Variants in RBFOX3 observed in about 807,000 individuals in gnomAD.
The protein encoded by RBFOX3 is RNA binding fox-1 homolog 3.
A neutral mutation model predicts 48.7 loss-of-function variants in RBFOX3; 17 were observed. That is an observed-to-expected ratio of 0.35 (90% CI 0.24 to 0.52). RBFOX3 has a LOEUF of 0.52. RBFOX3 is among the 20% of genes least tolerant of loss of function. The pLI, the probability that RBFOX3 is intolerant of heterozygous loss-of-function variation, is 0.94. For synonymous variants in RBFOX3, 212 were observed against 209.5 expected, an observed-to-expected ratio of 1.01 and a Z score of -0.10; for missense variants, 382 against 497.5, an observed-to-expected ratio of 0.77 and a Z score of 2.21.
intron 4 of RBFOX3, among the ~76,000 whole-genome samples, chr17:79,150,060 T>G (rs182882708): frequency 0.035 from 78 of 2,232 alleles, 3 homozygotes; most frequent in Non-Finnish European, 0.039. Context: ...GGGATGGGGG[T>G]TGAGGGTGGG....
intron 3 of RBFOX3, among the ~76,000 whole-genome samples, chr17:79,265,014 A>G (rs2066461604): frequency 6.6e-6 from 1 of 151,758 alleles, no homozygotes; most frequent in Non-Finnish European, 1.5e-5. Context: ...GCATCAAACT[A>G]CTACAGAAAG....
intron 1 of RBFOX3, among the ~76,000 whole-genome samples, chr17:79,560,242 C>A (rs2092120158): frequency 6.6e-6 from 1 of 152,104 alleles, no homozygotes; most frequent in African/African-American, 2.4e-5. Flanking sequence ...CGAGCCAGAG[C>A]AAAGCACAGG....
At chr17:79,192,220 A>G (rs1205685479) in intron 4 of RBFOX3, among the ~76,000 whole-genome samples, 2 of 152,092 alleles carry the variant, frequency 1.3e-5, no homozygotes, top group African/African-American at 4.8e-5. Context: ...TTCACTGGCA[A>G]GGAGGTGTGG....
chr17:79,615,597 G>T (rs1449818232), upstream of RBFOX3, among the ~76,000 whole-genome samples: 2 of 152,180 alleles, frequency 1.3e-5, no homozygotes, highest in African/African-American at 4.8e-5. Context: ...CCTGGCCCCT[G>T]CTCCCCTCTG....
Position 79,409,852 on chromosome 17 carries a change from A to AC in RBFOX3, c.-175+72601dup, listed in dbSNP as rs533288756. On this transcript the variant is annotated intron_variant, in intron 2 of 14. Transcript: ENST00000693108. ...GGATGCTGTCTGGCCTCTGAGAGAC[A>AC]CCCCCCCATCCACCCATTTCTTATC... is the stretch of plus-strand genomic sequence containing the variant. Among the ~76,000 whole-genome samples the AC allele has an allele frequency of 5.3e-5, 8 of 150,822 alleles. No homozygotes were observed. In the East Asian group the frequency reaches 5.9e-4, roughly 11 times the overall value.
intron 6 of RBFOX3, among the ~76,000 whole-genome samples, chr17:79,105,640 G>A (rs924375909): frequency 1.3e-5 from 2 of 152,210 alleles, no homozygotes; most frequent in African/African-American, 2.4e-5. Context: ...GTAGGTGAAC[G>A]GGGACCTCTC....
At chr17:79,093,043 G>A (rs556408459) in intron 14 of RBFOX3, among the ~76,000 whole-genome samples, 4 of 152,338 alleles carry the variant, frequency 2.6e-5, no homozygotes, top group South Asian at 4.1e-4. Flanking sequence ...ACCTCCTGGC[G>A]GGTTCCTGGG....
intron 2 of RBFOX3, among the ~76,000 whole-genome samples, chr17:79,426,672 A>G (rs1555725720): frequency 1.3e-5 from 2 of 151,808 alleles, no homozygotes; most frequent in African/African-American, 2.4e-5. Flanking sequence ...GCACGGCTCT[A>G]TTTACTTTGG....
Position 79,210,125 on chromosome 17 carries a change from GC to G in RBFOX3, c.-34+25640del, listed in dbSNP as rs1448694533. 3.3e-5 allele frequency among the ~76,000 whole-genome samples: 5 copies of G among 152,248 alleles called. 1 individual carries two copies. Among genetic ancestry groups the G allele is most frequent in the Non-Finnish European group, 7.3e-5 (5 of 68,042 alleles). ...CTGCCCTGGCTAGATAACCTCTGGA[GC>G]CCGAGGGAAGAGTGTACCTGCCTGG... On this transcript the variant is annotated intron_variant, in intron 4 of 14. Transcript: ENST00000693108.
chr17:79,223,105 C>T (rs1025812268), intron 4 of RBFOX3, among the ~76,000 whole-genome samples: 2 of 152,082 alleles, frequency 1.3e-5, no homozygotes, highest in Non-Finnish European at 2.9e-5. Flanking sequence ...CCATCACCCT[C>T]GAAAAATGGG....
chr17:79,247,740 G>C (rs1004345996), intron 3 of RBFOX3, among the ~76,000 whole-genome samples: 1 of 152,024 alleles, frequency 6.6e-6, no homozygotes, highest in African/African-American at 2.4e-5. Flanking sequence ...CTCCAGAGAA[G>C]AGAAGGCAAG....
intron 2 of RBFOX3, among the ~76,000 whole-genome samples, chr17:79,465,835 C>T (rs2076237774): frequency 6.6e-6 from 1 of 152,208 alleles, no homozygotes; most frequent in African/African-American, 2.4e-5. Context: ...CTGGGCAGTG[C>T]AGGCCGCCTG....
At chr17:79,138,404 TACTGTGAACACTCACTCCACACTCTCAC>T (rs1306434671) in intron 4 of RBFOX3, among the ~76,000 whole-genome samples, 1 of 151,902 alleles carries the variant, frequency 6.6e-6, no homozygotes, top group African/African-American at 2.4e-5. Flanking sequence ...CACACTCTCA[TACTGTGAACACTCACTCCACACTCTCAC>T]ACTGTGAACA....
intron 2 of RBFOX3, among the ~76,000 whole-genome samples, chr17:79,349,149 T>C (rs943860756): frequency 7.9e-5 from 12 of 152,026 alleles, no homozygotes; most frequent in African/African-American, 2.4e-4. Flanking sequence ...CATCATCTCC[T>C]GCCCCAACCA....
intron 1 of RBFOX3, among the ~76,000 whole-genome samples, chr17:79,510,822 G>A (rs2084049410): frequency 6.6e-6 from 1 of 152,124 alleles, no homozygotes; most frequent in South Asian, 2.1e-4. Context: ...GGGGAGGGCA[G>A]CCAGGACTCG....
At chr17:79,468,966 G>A (rs531740592) in intron 2 of RBFOX3, among the ~76,000 whole-genome samples, 18 of 146,980 alleles carry the variant, frequency 1.2e-4, no homozygotes, top group African/African-American at 3.8e-4. Flanking sequence ...ATGGATGGAT[G>A]GATGGATGGA....
chr17:79,440,252 C>T (rs901199245), intron 2 of RBFOX3, among the ~76,000 whole-genome samples: 16 of 152,246 alleles, frequency 1.1e-4, no homozygotes, highest in Admixed American at 3.9e-4. Flanking sequence ...GCAGAGACAG[C>T]GCTGTCCTGC....
chr17:79,383,558 A>C (rs2034860), intron 2 of RBFOX3, among the ~76,000 whole-genome samples: 119,372 of 152,010 alleles, frequency 0.79, 46,962 homozygotes, highest in Middle Eastern at 0.86. Context: ...CTGGAGGAGT[A>C]CCCCCCCGAT....
At chr17:79,632,768 A>G in the RBFOX3 span, among the ~76,000 whole-genome samples, 1 of 148,466 alleles carries the variant, frequency 6.7e-6, no homozygotes, top group Non-Finnish European at 1.5e-5. Context: ...AAAAGTTAGC[A>G]AGGCCTGATG....
Sources: allele counts gnomAD v4.1 joint callset (sites outside exome capture counted in the v4.1 genomes callset), GRCh38; gene constraint gnomAD v4.1.1; transcripts MANE v1.5; gene names NCBI Gene and HGNC (gene_info 2026-07-23, HGNC 2026-07-21).